The following PFAS variants were observed in gnomAD, a reference collection of about 807,000 sequenced individuals.
PFAS encodes the protein FGAM synthase.
Under a neutral mutation model 140.6 loss-of-function variants are expected in PFAS, and 97 were observed. That is an observed-to-expected ratio of 0.69 (90% CI 0.59 to 0.82). The LOEUF (loss-of-function observed/expected upper bound fraction) is 0.82. Ranked by LOEUF, PFAS falls within the 40% of genes least tolerant of loss-of-function variation. PFAS has a pLI of 0.00. For missense variants in PFAS, 1,656 were observed against 1,780.2 expected, an observed-to-expected ratio of 0.93 and a Z score of 1.26; for synonymous variants, 679 against 718.8, an observed-to-expected ratio of 0.94 and a Z score of 0.88.
chr17:8,248,063 G>C (rs1988931060), upstream of PFAS: 1 of 1,572,996 alleles, frequency 6.4e-7, no homozygotes, highest in African/African-American at 1.4e-5. Context: ...GCCCCCGGGA[G>C]GGGCAGGTGC....
At position 8,262,955 on chromosome 17, in the gene PFAS, A is replaced by G. The variant is rs747557921; in HGVS notation, c.1372A>G (p.Arg458Gly). Residue 458 changes from arginine to glycine, a missense_variant, in exon 12 of 28, where the codon AGG (arginine) becomes GGG (glycine). Physicochemically the swap from Arg to Gly is moderately radical, Grantham distance 125 (BLOSUM62 -2). Around this residue, in one of 2 missense-constraint regions of PFAS, gnomAD observed 773 missense variants for 757.3 expected, o/e 1.02. Transcript: ENST00000314666. ...EVVKVGGPVY[R>G]IGVGGGAASS... ...TGTAAAGGTTGGAGGTCCCGTCTACAGGATTGGAGTTGGAGGTGGAGCTGC... is the reference window on the plus strand; with the variant it reads ...TGTAAAGGTTGGAGGTCCCGTCTACGGGATTGGAGTTGGAGGTGGAGCTGC... 6 of 1,613,988 alleles carry G rather than the reference A, an allele frequency of 3.7e-6. No homozygotes were observed. The highest frequency in any genetic ancestry group is 2.2e-5 in the East Asian group (1 of 44,896).
rs200607158 is a variant in PFAS at position 8,253,960 on chromosome 17, A to C, written c.23A>C (p.Tyr8Ser). 1.2e-6 allele frequency: 2 copies of C among 1,613,890 alleles called. No individual in the cohort carries two copies. The highest frequency in any genetic ancestry group is 2.7e-5 in the African/African-American group (2 of 75,030). MSPVLHF[Y>S]VRPSGHEGAA... ...GAGATGTCCCCAGTCCTTCACTTCT[A>C]TGTTCGTCCCTCTGGCCATGAGGGG... The change falls in exon 2 of 28, where the codon TAT becomes TCT. Residue 8 changes from tyrosine (Y) to serine (S), a missense_variant. Physicochemically the swap from Tyr to Ser is moderately radical, Grantham distance 144. Around this residue, in one of 2 missense-constraint regions of PFAS, gnomAD observed 773 missense variants for 757.3 expected, o/e 1.02. Transcript: ENST00000314666.
chr17:8,269,041 A>AC lies in PFAS; in HGVS notation c.3798dup (p.Thr1267HisfsTer22), dbSNP rs1219135418. ...CTGCACTGGGCTGATGATGACGGGA[A>AC]CCCCACAGAGCAGTACCCTCTGAAT... On this transcript the variant is annotated frameshift_variant, in exon 28 of 28. Transcript: ENST00000314666. LOFTEE classifies it high-confidence loss of function. The AC allele has an allele frequency of 9.9e-6, 16 of 1,613,780 alleles. No homozygotes were observed. Among genetic ancestry groups the AC allele is most frequent in the Non-Finnish European group, 1.3e-5 (15 of 1,179,926 alleles).
rs1256190365 is a variant in PFAS at position 8,266,827 on chromosome 17, A to G, written c.2896A>G (p.Lys966Glu). 3.1e-6 allele frequency: 5 copies of G among 1,611,540 alleles called. No individual in the cohort carries two copies. Among genetic ancestry groups the G allele is most frequent in the Non-Finnish European group, 3.4e-6 (4 of 1,179,898 alleles). The change falls in exon 23 of 28, where the codon AAG (lysine) becomes GAG (glutamate). Residue 966 changes from lysine (K) to glutamate (E), a missense_variant. Coordinates refer to ENST00000314666, the MANE Select transcript of PFAS (RefSeq NM_012393.3). The surrounding 1 kb of genome is among the most constrained non-coding windows in gnomAD (Gnocchi z 5.0). ...VQEPDLAQVLKRYRDAGLHCL... is the reference protein window; with the variant it reads ...VQEPDLAQVLERYRDAGLHCL... The stretch of plus-strand genomic sequence containing the variant: ...GGAGCCAGACCTGGCCCAGGTGCTG[A>G]AGCGTTACCGGGATGCTGGCCTCCA...
intron 11 of PFAS, 107 bp downstream of exon 11, chr17:8,258,306 T>C: frequency 8.3e-7 from 1 of 1,208,400 alleles, no homozygotes. Flanking sequence ...TTTTAATATG[T>C]TGGCTTATCT....
rs1403142717 is a variant in PFAS, at chr17:8,270,183, GCT to G, written c.*922_*923del. Reference sequence around the variant, plus strand: ...GGGAGCCACTACAGCTGGCCCAGCAGCTCTGTTTCTGATAGAGGTGGTTGGGG... The same window carrying G: ...GGGAGCCACTACAGCTGGCCCAGCAGCTGTTTCTGATAGAGGTGGTTGGGG... On this transcript the variant is annotated 3_prime_UTR_variant, in exon 28 of 28. Transcript: ENST00000314666. The G allele has an allele frequency of 1.3e-5, 2 of 152,142 alleles. No individual in the cohort carries two copies. Among genetic ancestry groups the G allele is most frequent in the African/African-American group, 4.8e-5 (2 of 41,424 alleles). 9.4% of individuals were successfully genotyped at this position (152,142 alleles called of 1,614,324 possible). A position where few individuals can be genotyped will look rare whatever the true frequency, so the allele number is the denominator to read the frequency against.
chr17:8,255,718 GGT>G (rs778008614), intron 5 of PFAS, 27 bp downstream of exon 5: 1 of 1,594,910 alleles, frequency 6.3e-7, no homozygotes, highest in African/African-American at 1.4e-5. Flanking sequence ...GGAGATGTAG[GGT>G]CCAGGATAGG....
At chr17:8,268,447 G>T in intron 26 of PFAS, 86 bp from the exon 27 acceptor site, 1 of 852,464 alleles carries the variant, frequency 1.2e-6, no homozygotes. Context: ...AAAAAGAAAA[G>T]AAACAGAGCA....
chr17:8,252,162 C>T (rs888678136), intron 1 of PFAS, among the ~76,000 whole-genome samples: 2 of 151,100 alleles, frequency 1.3e-5, no homozygotes, highest in African/African-American at 4.9e-5. Flanking sequence ...GGCGTGGTGG[C>T]GCATGCCTGT....
rs753185654 is a variant in PFAS, at chr17:8,268,835, G to A, written c.3685G>A (p.Val1229Met). ...AGGGATGGAGGGCGCCGTGCTGCCC[G>A]TGTGGAGTGCGCACGGGGAAGGTCA... ...LRGMEGAVLPVWSAHGEGYVA... is the reference protein window; with the variant it reads ...LRGMEGAVLPMWSAHGEGYVA... The change falls in exon 27 of 28, where the codon GTG becomes ATG. Residue 1229 changes from valine (V) to methionine (M), a missense_variant. This residue lies in a region of PFAS where 883 missense variants were observed against 1,023.0 expected (regional missense o/e 0.86). Coordinates refer to ENST00000314666, the MANE Select transcript of PFAS (RefSeq NM_012393.3). 1.1e-4 allele frequency: 171 copies of A among 1,608,456 alleles called. No individual in the cohort carries two copies. Among genetic ancestry groups the A allele is most frequent in the East Asian group, 8.0e-4 (36 of 44,866 alleles).
chr17:8,257,935 G>T lies in PFAS; in HGVS notation c.1204G>T (p.Ala402Ser). 1.9e-6 allele frequency: 3 copies of T among 1,614,210 alleles called. No individual in the cohort carries two copies. Among genetic ancestry groups the T allele is most frequent in the Non-Finnish European group, 2.5e-6 (3 of 1,180,014 alleles). ...YGNKFGEPVL[A>S]GFARSLGLQL... is the part of the protein sequence containing the mutation. ...CAACAAGTTTGGGGAACCAGTGCTG[G>T]CTGGTGAGGCTGGGGTGTGGAGGGA... The change falls in exon 10 of 28, where the codon GCT becomes TCT. Residue 402 changes from alanine to serine, a missense_variant. Physicochemically the swap from Ala to Ser is moderately conservative, Grantham distance 99 (BLOSUM62 1). Transcript: ENST00000314666.
rs1281132919 is a variant in PFAS at position 8,269,570 on chromosome 17, G to C, written c.*306G>C. Reference sequence around the variant, plus strand: ...TGAGGTCCGAACAGGGGCTTCTGTTGCCCACTTCACAACACCCAGTGATCA... The same window carrying C: ...TGAGGTCCGAACAGGGGCTTCTGTTCCCCACTTCACAACACCCAGTGATCA... On this transcript the variant is annotated 3_prime_UTR_variant, in exon 28 of 28. Transcript: ENST00000314666. The C allele has an allele frequency of 3.1e-6, 1 of 325,928 alleles. No individual in the cohort carries two copies. Among genetic ancestry groups the C allele is most frequent in the Non-Finnish European group, 5.7e-6 (1 of 176,590 alleles). The allele number at this position is 325,928 out of a possible 1,614,324, so 20.2% of individuals were successfully genotyped here.
chr17:8,255,012 A>G lies in PFAS; in HGVS notation c.279-15A>G, dbSNP rs1989302347. 2 of 1,594,538 alleles carry G rather than the reference A, an allele frequency of 1.3e-6. No individual in the cohort carries two copies. The highest frequency in any genetic ancestry group is 1.3e-5 in the African/African-American group (1 of 74,636). On this transcript the variant is annotated splice_polypyrimidine_tract_variant and intron_variant, in intron 3 of 27. Transcript: ENST00000314666. Reference sequence around the variant, plus strand: ...CGGGGGTTCTCCAGTCCTAACCATCAGGCCCATTGTTCAGGCTGAACTTCT... The same window carrying G: ...CGGGGGTTCTCCAGTCCTAACCATCGGGCCCATTGTTCAGGCTGAACTTCT...
rs768429979 is a variant in PFAS at position 8,256,829 on chromosome 17, T to TTGCAGGAGTATGCCCCTTTAGTGG, written c.947-1_969dup. 3 of 1,595,948 alleles carry TTGCAGGAGTATGCCCCTTTAGTGG rather than the reference T, an allele frequency of 1.9e-6. No individual in the cohort carries two copies. Among genetic ancestry groups the TTGCAGGAGTATGCCCCTTTAGTGG allele is most frequent in the Non-Finnish European group, 2.6e-6 (3 of 1,171,146 alleles). On this transcript the variant is annotated splice_region_variant and splice_polypyrimidine_tract_variant and intron_variant, in intron 8 of 27. Coordinates refer to ENST00000314666, the MANE Select transcript of PFAS (RefSeq NM_012393.3). ...ACCCAGACCTCTCCCCACTCTCTCT[T>TTGCAGGAGTATGCCCCTTTAGTGG]TGCAGGAGTATGCCCCTTTAGTGGT...
chr17:8,263,056 C>T (rs774931058), intron 12 of PFAS, 53 bp from the exon 13 acceptor site: 19 of 1,607,870 alleles, frequency 1.2e-5, no homozygotes, highest in Admixed American at 1.7e-5. Flanking sequence ...CATAGGGGAG[C>T]GTATAGGAGC....
Position 8,268,788 on chromosome 17 carries a change from C to T in PFAS, c.3638C>T (p.Pro1213Leu). The T allele has an allele frequency of 1.2e-6, 2 of 1,609,432 alleles. No individual in the cohort carries two copies. The highest frequency in any genetic ancestry group is 1.7e-6 in the Non-Finnish European group (2 of 1,179,798). ...ESRWASVRVG[P>L]GPALMLRGME... Reference sequence around the variant, plus strand: ...CGCTGGGCCAGCGTGCGTGTGGGGCCTGGGCCAGCCCTGATGCTGCGAGGG... The same window carrying T: ...CGCTGGGCCAGCGTGCGTGTGGGGCTTGGGCCAGCCCTGATGCTGCGAGGG... The change falls in exon 27 of 28, where the codon CCT becomes CTT. Residue 1213 changes from proline (P) to leucine (L), a missense_variant. Transcript: ENST00000314666.
intron 11 of PFAS, among the ~76,000 whole-genome samples, chr17:8,261,329 C>T (rs1361448136): frequency 2.6e-5 from 4 of 151,878 alleles, no homozygotes; most frequent in East Asian, 1.9e-4. Context: ...CTCCGCCTCC[C>T]GGGTTCAAGC....
chr17:8,248,410 A>ATTTTTTTTTTT (rs35534210), upstream of PFAS, among the ~76,000 whole-genome samples: 182 of 67,630 alleles, frequency 2.7e-3, 9 homozygotes, highest in African/African-American at 4.0e-3. Context: ...CGCCCGGCTA[A>ATTTTTTTTTTT]TTTTTTTTTT....
At chr17:8,258,277 G>A in intron 11 of PFAS, 78 bp downstream of exon 11, 1 of 1,489,532 alleles carries the variant, frequency 6.7e-7, no homozygotes, top group Non-Finnish European at 9.3e-7. Context: ...GGAACTTAGG[G>A]AACACTTCAG....
Sources: gnomAD v4.1 joint callset for allele counts (sites outside exome capture counted in the v4.1 genomes callset) on GRCh38, gnomAD v4.1.1 for gene constraint, gnomAD v4.1.1 regional missense constraint, Gnocchi (gnomAD v3.1) non-coding constraint, MANE v1.5 for transcripts, NCBI Gene and HGNC (gene_info 2026-07-23, HGNC 2026-07-21) for gene names.